AGMO: variants seen among roughly 807,000 people sequenced by gnomAD.
AGMO encodes glyceryl-ether monooxygenase.
In AGMO, 75 loss-of-function variants were observed where a neutral mutation model predicts 60.2. That is an observed-to-expected ratio of 1.25 (90% CI 1.03 to 1.51). AGMO has a LOEUF of 1.51. AGMO is among the 40% of genes most tolerant of loss of function. The pLI is 0.00. For missense variants in AGMO, 763 were observed against 525.5 expected, an observed-to-expected ratio of 1.45 and a Z score of -4.42; for synonymous variants, 261 against 177.1, an observed-to-expected ratio of 1.47 and a Z score of -3.76.
chr7:15,331,191 C>T (rs1222115853), intron 12 of AGMO, among the ~76,000 whole-genome samples: 8 of 152,100 alleles, frequency 5.3e-5, no homozygotes, highest in Admixed American at 2.0e-4. Flanking sequence ...TAAATGACTT[C>T]GTCCCCAGGC....
At chr7:15,391,862 G>A (rs1334461395) in intron 6 of AGMO, among the ~76,000 whole-genome samples, 1 of 152,066 alleles carries the variant, frequency 6.6e-6, no homozygotes, top group Non-Finnish European at 1.5e-5. Context: ...TAATGGGTGG[G>A]GGCCAGTGAC....
At chr7:15,340,685 T>A (rs1463275248) in intron 12 of AGMO, among the ~76,000 whole-genome samples, 3 of 152,126 alleles carry the variant, frequency 2.0e-5, no homozygotes, top group Non-Finnish European at 4.4e-5. Context: ...AGACAAGAAT[T>A]GAGATTTGGG....
chr7:15,238,088 T>C (rs1195421728), intron 12 of AGMO, among the ~76,000 whole-genome samples: 1 of 152,042 alleles, frequency 6.6e-6, no homozygotes, highest in Non-Finnish European at 1.5e-5. Context: ...CCCCAGCATT[T>C]AAACCCACTT....
Position 15,250,199 on chromosome 7 carries a change from G to C in AGMO, c.1264-48840C>G, listed in dbSNP as rs76293072. 7.1e-3 allele frequency among the ~76,000 whole-genome samples: 1,083 copies of C among 152,270 alleles called. 11 individuals are homozygous for C. Among genetic ancestry groups the C allele is most frequent in the African/African-American group, 0.024 (996 of 41,562 alleles). ...TAGTTGATCCCTATAAATGAAGTCT[G>C]TGAAATCCGCTGCAATTAATTTTTC... On this transcript the variant is annotated intron_variant, in intron 12 of 12. Transcript: ENST00000342526.
intron 8 of AGMO, among the ~76,000 whole-genome samples, chr7:15,387,935 T>G (rs1783992400): frequency 7.1e-6 from 1 of 141,354 alleles, no homozygotes; most frequent in African/African-American, 2.9e-5. Flanking sequence ...CAAGACAGAG[T>G]CTCGCTCTGT....
intron 12 of AGMO, among the ~76,000 whole-genome samples, chr7:15,244,854 A>C (rs1188160511): frequency 6.6e-6 from 1 of 151,946 alleles, no homozygotes; most frequent in African/African-American, 2.4e-5. Context: ...GCGTTTCACC[A>C]TGTTACTCAG....
chr7:15,384,377 T>C (rs1209202767), intron 10 of AGMO, among the ~76,000 whole-genome samples: 1 of 152,216 alleles, frequency 6.6e-6, no homozygotes. Flanking sequence ...TCAGAATATA[T>C]GTTCAGTTGC....
intron 3 of AGMO, among the ~76,000 whole-genome samples, chr7:15,503,719 T>C (rs1783443799): frequency 6.6e-6 from 1 of 152,070 alleles, no homozygotes. Context: ...TATTTGAATG[T>C]CATTGAAATA....
At chr7:15,250,450 C>A (rs1035887481) in intron 12 of AGMO, among the ~76,000 whole-genome samples, 2 of 152,016 alleles carry the variant, frequency 1.3e-5, no homozygotes, top group Non-Finnish European at 2.9e-5. Context: ...TGATAGCATT[C>A]AAGCATTATT....
At chr7:15,432,597 T>C (rs1781286442) in intron 3 of AGMO, among the ~76,000 whole-genome samples, 1 of 151,636 alleles carries the variant, frequency 6.6e-6, no homozygotes, top group South Asian at 2.1e-4. Flanking sequence ...GCCATTTTTA[T>C]TAAAGTCATA....
chr7:15,202,489 A>AAAC (rs1277846759), intron 12 of AGMO, among the ~76,000 whole-genome samples: 9 of 132,096 alleles, frequency 6.8e-5, no homozygotes, highest in African/African-American at 2.3e-4. Context: ...AAAAAAAAAA[A>AAAC]CCCTCCCAAA....
At chr7:15,240,688 C>T (rs1315744328) in intron 12 of AGMO, among the ~76,000 whole-genome samples, 1 of 152,086 alleles carries the variant, frequency 6.6e-6, no homozygotes, top group Non-Finnish European at 1.5e-5. Context: ...AATACAGATA[C>T]TGCCTGTTTA....
chr7:15,195,535 T>C (rs1426076113), downstream of AGMO, among the ~76,000 whole-genome samples: 21 of 152,232 alleles, frequency 1.4e-4, no homozygotes, highest in Admixed American at 1.4e-3. Flanking sequence ...TGTACTTGGC[T>C]GGCGCCATGT....
intron 5 of AGMO, among the ~76,000 whole-genome samples, chr7:15,401,197 C>T (rs1356250697): frequency 2.0e-5 from 3 of 151,956 alleles, no homozygotes; most frequent in Non-Finnish European, 4.4e-5. Flanking sequence ...TTGAAAAATA[C>T]TTTAGAGTTG....
intron 10 of AGMO, among the ~76,000 whole-genome samples, chr7:15,381,985 G>A (rs1422769942): frequency 6.6e-6 from 1 of 152,026 alleles, no homozygotes; most frequent in East Asian, 1.9e-4. Flanking sequence ...AGAACACATG[G>A]ACACGTAAGA....
At chr7:15,205,005 G>C (rs2115469344) in intron 12 of AGMO, among the ~76,000 whole-genome samples, 1 of 152,174 alleles carries the variant, frequency 6.6e-6, no homozygotes, top group East Asian at 1.9e-4. Context: ...TCTGTGTTTT[G>C]AGAGGCCTTA....
At chr7:15,277,471 T>A (rs1212626846) in intron 12 of AGMO, among the ~76,000 whole-genome samples, 1 of 152,158 alleles carries the variant, frequency 6.6e-6, no homozygotes, top group African/African-American at 2.4e-5. Context: ...CTTATGCTGA[T>A]CCCTTCTGAT....
chr7:15,148,716 C>A, the AGMO span, among the ~76,000 whole-genome samples: 1 of 152,078 alleles, frequency 6.6e-6, no homozygotes, highest in African/African-American at 2.4e-5. Context: ...TTTATCCAGT[C>A]CACTGTTGAT....
chr7:15,440,847 A>C (rs2128501903), intron 3 of AGMO, among the ~76,000 whole-genome samples: 1 of 152,330 alleles, frequency 6.6e-6, no homozygotes, highest in East Asian at 1.9e-4. Flanking sequence ...AATGGAAAGT[A>C]ATGTTATGGA....
Sources: allele counts gnomAD v4.1 joint callset (sites outside exome capture counted in the v4.1 genomes callset), GRCh38; gene constraint gnomAD v4.1.1; transcripts MANE v1.5; gene names NCBI Gene and HGNC (gene_info 2026-07-23, HGNC 2026-07-21).